The following SEM1 variants were observed in gnomAD, a reference collection of about 807,000 sequenced individuals.
SEM1 encodes SEM1 26S proteasome subunit, also known as 26S proteasome complex subunit SEM1.
A neutral mutation model predicts 12.7 loss-of-function variants in SEM1; 3 were observed. That is an observed-to-expected ratio of 0.24 (90% CI 0.11 to 0.61). SEM1 has a LOEUF of 0.61. SEM1 is among the 20% of genes least tolerant of loss of function. The pLI, the probability that SEM1 is intolerant of heterozygous loss-of-function variation, is 0.88. For missense variants in SEM1, 59 were observed against 81.3 expected, an observed-to-expected ratio of 0.73 and a Z score of 1.06; for synonymous variants, 30 against 27.8, an observed-to-expected ratio of 1.08 and a Z score of -0.25.
chr7:96,623,942 C>A (rs1256317776), intron 2 of SEM1, among the ~76,000 whole-genome samples: 2 of 152,092 alleles, frequency 1.3e-5, no homozygotes, highest in African/African-American at 4.8e-5. Context: ...ACTTGCATGT[C>A]AAATCTCCCT....
At chr7:96,575,536 G>T (rs1025495713) in intron 2 of SEM1, among the ~76,000 whole-genome samples, 2 of 152,226 alleles carry the variant, frequency 1.3e-5, no homozygotes, top group African/African-American at 4.8e-5. Flanking sequence ...CAGCAGGCAG[G>T]AACATTTACG....
At chr7:96,486,156 T>C in intron 2 of SEM1, 1 of 1,426,964 alleles carries the variant, frequency 7.0e-7, no homozygotes, top group Non-Finnish European at 9.4e-7. Flanking sequence ...GAGTTAATTT[T>C]TTTTCTACCT....
intron 2 of SEM1, among the ~76,000 whole-genome samples, chr7:96,691,348 G>A (rs894397908): frequency 5.3e-5 from 8 of 152,180 alleles, no homozygotes; most frequent in Admixed American, 1.3e-4. Flanking sequence ...CTCTACACAT[G>A]TTAAATCACT....
intron 2 of SEM1, among the ~76,000 whole-genome samples, chr7:96,528,946 A>C (rs1804552506): frequency 6.6e-6 from 1 of 152,180 alleles, no homozygotes; most frequent in South Asian, 2.1e-4. Context: ...TACCTAATAA[A>C]TTTAATGCAA....
At chr7:96,499,838 A>G (rs1381070288), upstream of SEM1, among the ~76,000 whole-genome samples, 6 of 152,198 alleles carry the variant, frequency 3.9e-5, no homozygotes, top group African/African-American at 9.6e-5. Flanking sequence ...TGGGCTAGAA[A>G]AACGTTTTTT....
At chr7:96,512,146 C>T (rs1185853426) in intron 2 of SEM1, among the ~76,000 whole-genome samples, 2 of 152,092 alleles carry the variant, frequency 1.3e-5, no homozygotes, top group Non-Finnish European at 2.9e-5. Context: ...ACGACTGCTT[C>T]CTGTCCCCAC....
intron 1 of SEM1, among the ~76,000 whole-genome samples, chr7:96,705,370 A>AC: frequency 6.6e-6 from 1 of 152,178 alleles, no homozygotes; most frequent in South Asian, 2.1e-4. Context: ...AAAAAAAAAA[A>AC]AAAAACCCTT....
At chr7:96,555,765 G>T (rs1183724968) in intron 2 of SEM1, among the ~76,000 whole-genome samples, 1 of 145,290 alleles carries the variant, frequency 6.9e-6, no homozygotes, top group African/African-American at 2.6e-5. Context: ...CTGTCTCGTT[G>T]ATCTGTCTAA....
chr7:96,709,224 C>T (rs1387679376), intron 1 of SEM1, among the ~76,000 whole-genome samples: 1 of 152,198 alleles, frequency 6.6e-6, no homozygotes, highest in Admixed American at 6.5e-5. Flanking sequence ...TCTTACCCTC[C>T]TATCCTACTT....
At chr7:96,676,640 C>T (rs1252565776) in intron 2 of SEM1, among the ~76,000 whole-genome samples, 1 of 152,134 alleles carries the variant, frequency 6.6e-6, no homozygotes, top group Non-Finnish European at 1.5e-5. Flanking sequence ...TATCACGGAA[C>T]GGTAAAGATG....
chr7:96,570,445 G>T lies in SEM1; in HGVS notation c.171-63747C>A, dbSNP rs763877067. Reference sequence around the variant, plus strand: ...CCACTTACGAGTGAGAACACGTGGTGTTTGGTTTTCTGTTCCTGTGTTAGT... The same window carrying T: ...CCACTTACGAGTGAGAACACGTGGTTTTTGGTTTTCTGTTCCTGTGTTAGT... On this transcript the variant is annotated intron_variant and NMD_transcript_variant, in intron 2 of 3. Transcript: ENST00000466986. 9.9e-5 allele frequency among the ~76,000 whole-genome samples: 15 copies of T among 152,098 alleles called. 1 individual carries two copies. The highest frequency in any genetic ancestry group is 6.8e-3 in the Middle Eastern group (2 of 294).
rs67174798 is a variant in SEM1, at chr7:96,703,972, AACACACACACACACAC to A, written c.76+5700_76+5715del. ...CCAGAGCAAGACCTTGTCTCTTAAA[AACACACACACACACAC>A]ACACACACACACACACACACACATA... On this transcript the variant is annotated intron_variant, in intron 1 of 2. Coordinates refer to ENST00000248566, the MANE Select transcript of SEM1 (RefSeq NM_006304.2). 9.9e-4 allele frequency among the ~76,000 whole-genome samples: 141 copies of A among 142,180 alleles called. 3 individuals are homozygous for A. In the East Asian group the frequency reaches 0.025, roughly 26 times the overall value. 93.3% of individuals were successfully genotyped at this position (142,180 alleles called of 152,430 possible).
At chr7:96,593,158 A>C (rs1171910006) in intron 2 of SEM1, among the ~76,000 whole-genome samples, 1 of 152,114 alleles carries the variant, frequency 6.6e-6, no homozygotes, top group Non-Finnish European at 1.5e-5. Flanking sequence ...AGTTTCCTCA[A>C]TGTTTCTTTT....
chr7:96,593,085 G>A (rs1472072350), intron 2 of SEM1, among the ~76,000 whole-genome samples: 1 of 151,360 alleles, frequency 6.6e-6, no homozygotes. Flanking sequence ...CCATTCCTGG[G>A]CCACATGATA....
At chr7:96,670,490 C>T (rs762789585), downstream of SEM1, among the ~76,000 whole-genome samples, 11 of 152,022 alleles carry the variant, frequency 7.2e-5, no homozygotes, top group Admixed American at 2.0e-4. Flanking sequence ...TGACAGATGG[C>T]GGAAAATAGA....
rs747460350 is a variant in SEM1, at chr7:96,709,771, G to C, written c.-8C>G. The C allele has an allele frequency of 8.7e-6, 14 of 1,613,582 alleles. No individual in the cohort carries two copies. The highest frequency in any genetic ancestry group is 1.2e-5 in the Non-Finnish European group (14 of 1,179,766). ...CTGCTTTTTCTCTGACATCTCGACTGTCCGCGCCCAACACCTCCCAGATAA... is the reference window on the plus strand; with the variant it reads ...CTGCTTTTTCTCTGACATCTCGACTCTCCGCGCCCAACACCTCCCAGATAA... On this transcript the variant is annotated 5_prime_UTR_variant, in exon 1 of 3. Coordinates refer to ENST00000248566, the MANE Select transcript of SEM1 (RefSeq NM_006304.2).
exon 2 of SEM1, chr7:96,486,303 G>A: frequency 6.5e-7 from 1 of 1,537,112 alleles, no homozygotes; most frequent in South Asian, 1.2e-5. Context: ...TGGATCCAGG[G>A]TCCTCTGGCC....
At chr7:96,499,180 TG>T (rs142916665), upstream of SEM1, among the ~76,000 whole-genome samples, 19,548 of 152,136 alleles carry the variant, frequency 0.13, 1,284 homozygotes, top group South Asian at 0.18. Flanking sequence ...TCCATAGTTA[TG>T]TCAAGAAATT....
intron 2 of SEM1, among the ~76,000 whole-genome samples, chr7:96,651,558 T>C (rs1270069757): frequency 6.6e-6 from 1 of 152,096 alleles, no homozygotes; most frequent in Non-Finnish European, 1.5e-5. Flanking sequence ...AAGAGCAAGA[T>C]GGCAAAAGGA....
Sources: allele counts gnomAD v4.1 joint callset (sites outside exome capture counted in the v4.1 genomes callset), GRCh38; gene constraint gnomAD v4.1.1; transcripts MANE v1.5; gene names NCBI Gene and HGNC (gene_info 2026-07-23, HGNC 2026-07-21).